The following SLC35F4 variants were observed in gnomAD, a reference collection of about 807,000 sequenced individuals.
SLC35F4 encodes the protein chromosome 14 open reading frame 36.
SLC35F4 carries 24 observed loss-of-function variants against 44.2 expected under a neutral mutation model. The ratio of observed to expected loss-of-function variants is 0.54; its 90% CI spans 0.39 to 0.76. The LOEUF (loss-of-function observed/expected upper bound fraction) is 0.76, where lower values mean the gene tolerates loss of function less well. Ranked by LOEUF, SLC35F4 falls within the 30% of genes least tolerant of loss-of-function variation. SLC35F4 has a pLI of 0.00. For synonymous variants in SLC35F4, 238 were observed against 223.6 expected, an observed-to-expected ratio of 1.06 and a Z score of -0.57; for missense variants, 562 against 586.1, an observed-to-expected ratio of 0.96 and a Z score of 0.42.
intron 1 of SLC35F4, among the ~76,000 whole-genome samples, chr14:57,680,195 CG>C (rs1210382762): frequency 6.6e-6 from 1 of 152,094 alleles, no homozygotes. Flanking sequence ...CAGCGTCATC[CG>C]TGGGATGCAA....
intron 1 of SLC35F4, among the ~76,000 whole-genome samples, chr14:57,756,535 T>C (rs1012001969): frequency 1.3e-5 from 2 of 151,952 alleles, no homozygotes; most frequent in Non-Finnish European, 2.9e-5. Context: ...TGTTTTCTGC[T>C]GTTTTGTATA....
chr14:57,958,308 T>C (rs1890278582), intron 1 of SLC35F4, among the ~76,000 whole-genome samples: 1 of 152,186 alleles, frequency 6.6e-6, no homozygotes, highest in Non-Finnish European at 1.5e-5. Context: ...TCTGCCCGCC[T>C]CAGCCTCCCA....
chr14:57,591,196 C>T (rs2070155013), intron 2 of SLC35F4, among the ~76,000 whole-genome samples: 1 of 152,236 alleles, frequency 6.6e-6, no homozygotes, highest in South Asian at 2.1e-4. Context: ...TGAAAGACTT[C>T]AGCCCATGGT....
At chr14:57,964,987 A>ATATATAT (rs1241968437) in intron 1 of SLC35F4, among the ~76,000 whole-genome samples, 32 of 131,406 alleles carry the variant, frequency 2.4e-4, no homozygotes, top group East Asian at 1.1e-3. Context: ...AAAAAAAAAA[A>ATATATAT]AAAAATATAT....
intron 1 of SLC35F4, among the ~76,000 whole-genome samples, chr14:57,925,719 T>G (rs752980297): frequency 1.3e-5 from 2 of 152,104 alleles, no homozygotes; most frequent in African/African-American, 4.8e-5. Context: ...ATACTACAAG[T>G]GTATAGACAT....
At chr14:57,600,883 G>A (rs543828310) in intron 1 of SLC35F4, among the ~76,000 whole-genome samples, 78 of 151,996 alleles carry the variant, frequency 5.1e-4, no homozygotes, top group African/African-American at 1.8e-3. Flanking sequence ...AAACCCACAT[G>A]GAATCTGGTT....
chr14:57,782,585 T>C (rs1395076827), intron 1 of SLC35F4, among the ~76,000 whole-genome samples: 1 of 152,180 alleles, frequency 6.6e-6, no homozygotes, highest in Non-Finnish European at 1.5e-5. Context: ...TGTAACTGCA[T>C]AAAACTAACT....
At chr14:57,963,583 A>T (rs1338218550) in intron 1 of SLC35F4, among the ~76,000 whole-genome samples, 1 of 152,074 alleles carries the variant, frequency 6.6e-6, no homozygotes, top group African/African-American at 2.4e-5. Context: ...CGGTCAGCCT[A>T]TCAGTAGTCA....
At chr14:57,742,281 A>G (rs2076631834) in intron 1 of SLC35F4, among the ~76,000 whole-genome samples, 1 of 152,206 alleles carries the variant, frequency 6.6e-6, no homozygotes, top group African/African-American at 2.4e-5. Context: ...AGACTGGCAA[A>G]TTGGATAAAG....
intron 1 of SLC35F4, among the ~76,000 whole-genome samples, chr14:57,598,375 A>G (rs1439656822): frequency 1.3e-5 from 2 of 152,254 alleles, no homozygotes; most frequent in East Asian, 1.9e-4. Flanking sequence ...AACAGGCTGC[A>G]GCTCCCAGGA....
At chr14:57,922,483 C>A (rs1028110277) in intron 1 of SLC35F4, among the ~76,000 whole-genome samples, 5 of 152,164 alleles carry the variant, frequency 3.3e-5, no homozygotes, top group South Asian at 2.1e-4. Flanking sequence ...TCTGCCTAAG[C>A]CTTAGAGCAG....
chr14:57,739,723 A>G (rs1381732890), intron 1 of SLC35F4, among the ~76,000 whole-genome samples: 3 of 152,160 alleles, frequency 2.0e-5, no homozygotes, highest in Non-Finnish European at 4.4e-5. Flanking sequence ...CATGCCATTT[A>G]TTACATTCCT....
At chr14:57,722,927 G>A (rs2076119715) in intron 1 of SLC35F4, among the ~76,000 whole-genome samples, 1 of 152,146 alleles carries the variant, frequency 6.6e-6, no homozygotes, top group Non-Finnish European at 1.5e-5. Flanking sequence ...TTCCCTTGAG[G>A]AAGGACCCCA....
chr14:57,645,852 A>G (rs1374122185), intron 1 of SLC35F4, among the ~76,000 whole-genome samples: 1 of 151,754 alleles, frequency 6.6e-6, no homozygotes, highest in Non-Finnish European at 1.5e-5. Flanking sequence ...AATTTTGTCA[A>G]AGGCCTTTTC....
chr14:57,629,842 C>A, intron 1 of SLC35F4: 1 of 332,960 alleles, frequency 3.0e-6, no homozygotes, highest in Non-Finnish European at 6.0e-6. Context: ...GATCGGCAGC[C>A]GGAGATGCAG....
At chr14:57,760,299 A>T (rs893935004) in intron 1 of SLC35F4, among the ~76,000 whole-genome samples, 11 of 152,170 alleles carry the variant, frequency 7.2e-5, no homozygotes, top group South Asian at 4.1e-4. Flanking sequence ...TTTTTTCCCC[A>T]TGTGTAACAT....
rs573902845 is a variant in SLC35F4 at position 57,815,074 on chromosome 14, A to G, written c.103+50649T>C. ...CTATAACTGCTTTTGCTGCACTACA[A>G]CTGCAGAGTTAACTAGTTTCAAAAG... On this transcript the variant is annotated intron_variant, in intron 1 of 7. Coordinates refer to ENST00000556826, the MANE Select transcript of SLC35F4 (RefSeq NM_001306087.2). Among the ~76,000 whole-genome samples the G allele has an allele frequency of 2.0e-5, 3 of 152,304 alleles. No individual in the cohort carries two copies. In the East Asian group the frequency reaches 5.8e-4, roughly 29 times the overall value.
intron 1 of SLC35F4, among the ~76,000 whole-genome samples, chr14:57,708,263 C>T (rs1346543789): frequency 6.6e-6 from 1 of 152,108 alleles, no homozygotes; most frequent in Non-Finnish European, 1.5e-5. Flanking sequence ...TCACTTTGAC[C>T]CCCTATGATT....
rs145204338 is a variant in SLC35F4, at chr14:57,957,508, G to A, written n.282+24405C>T. ...TTCACCTACTAGTGAAAATTTAATTGTAATCTCAAAATCAATACTCACGGC... is the reference window on the plus strand; with the variant it reads ...TTCACCTACTAGTGAAAATTTAATTATAATCTCAAAATCAATACTCACGGC... On this transcript the variant is annotated intron_variant and non_coding_transcript_variant, in intron 1 of 1. Transcript: ENST00000556568. 8.6e-3 allele frequency among the ~76,000 whole-genome samples: 1,306 copies of A among 151,974 alleles called. 21 individuals are homozygous for A. The highest frequency in any genetic ancestry group is 0.028 in the African/African-American group (1,154 of 41,412).
Sources: gnomAD v4.1 joint callset for allele counts (sites outside exome capture counted in the v4.1 genomes callset) on GRCh38, gnomAD v4.1.1 for gene constraint, MANE v1.5 for transcripts, NCBI Gene and HGNC (gene_info 2026-07-23, HGNC 2026-07-21) for gene names.